Variants in AP4E1 observed in about 807,000 individuals in gnomAD.
AP4E1 encodes adaptor related protein complex 4 subunit epsilon 1.
A neutral mutation model predicts 128.2 loss-of-function variants in AP4E1; 56 were observed. That is an observed-to-expected ratio of 0.44 (90% CI 0.35 to 0.55). AP4E1 has a LOEUF of 0.55. AP4E1 is among the 20% of genes least tolerant of loss of function. The probability of loss-of-function intolerance (pLI) is 0.00; values close to 1 mark genes in which losing one functional copy is unlikely to be tolerated. For synonymous variants in AP4E1, 484 were observed against 473.1 expected, an observed-to-expected ratio of 1.02 and a Z score of -0.30; for missense variants, 1,324 against 1,307.7, an observed-to-expected ratio of 1.01 and a Z score of -0.19.
At chr15:50,959,415 T>G (rs1319438330) in intron 14 of AP4E1, among the ~76,000 whole-genome samples, 1 of 151,970 alleles carries the variant, frequency 6.6e-6, no homozygotes, top group African/African-American at 2.4e-5. Context: ...AATGGGAAGA[T>G]ATACTCAAAG....
chr15:50,923,392 T>C (rs1467012586), intron 3 of AP4E1, among the ~76,000 whole-genome samples: 1 of 152,204 alleles, frequency 6.6e-6, no homozygotes, highest in Admixed American at 6.5e-5. Flanking sequence ...TCCTAAATAA[T>C]TGTTATTCCC....
Position 50,908,874 on chromosome 15 carries a change from C to G in AP4E1, c.96C>G (p.Phe32Leu), listed in dbSNP as rs1407642781. ...GGCCCGCGGCCGCCAAGGCGTCCTT[C>G]TCCTCGAGGCTGGGCAGCCTTGTCC... ...GGGPAAAKAS[F>L]SSRLGSLVRG... The change falls in exon 1 of 21, where the codon TTC becomes TTG. Residue 32 changes from phenylalanine to leucine, a missense_variant. Transcript: ENST00000261842. 2 of 1,610,232 alleles carry G rather than the reference C, an allele frequency of 1.2e-6. No homozygotes were observed. Among genetic ancestry groups the G allele is most frequent in the Non-Finnish European group, 1.7e-6 (2 of 1,179,194 alleles).
intron 16 of AP4E1, 95 bp downstream of exon 16, chr15:50,984,240 G>C: frequency 1.4e-6 from 2 of 1,405,450 alleles, no homozygotes; most frequent in Non-Finnish European, 2.0e-6. Context: ...TATCATCATG[G>C]TCATTATTTG....
intron 20 of AP4E1, 84 bp from the exon 21 acceptor site, chr15:51,002,418 A>T (rs1362151552): frequency 6.9e-7 from 1 of 1,440,930 alleles, no homozygotes; most frequent in Non-Finnish European, 9.7e-7. Flanking sequence ...TCATGTGCTT[A>T]TTAGCCATTT....
chr15:50,985,610 C>G (rs547230581), intron 16 of AP4E1, among the ~76,000 whole-genome samples: 15 of 152,202 alleles, frequency 9.9e-5, no homozygotes, highest in South Asian at 4.1e-4. Flanking sequence ...TGTCAAAGAT[C>G]AGATGGTTGT....
At chr15:50,929,791 T>C (rs1287834211) in intron 6 of AP4E1, among the ~76,000 whole-genome samples, 1 of 152,212 alleles carries the variant, frequency 6.6e-6, no homozygotes, top group African/African-American at 2.4e-5. Context: ...TGTTCTAAAA[T>C]AGTACAGTTT....
intron 13 of AP4E1, among the ~76,000 whole-genome samples, chr15:50,958,161 A>T (rs1461519819): frequency 1.3e-5 from 2 of 152,200 alleles, no homozygotes; most frequent in East Asian, 3.8e-4. Context: ...CCATCATTAC[A>T]TGAGAACCAT....
intron 10 of AP4E1, among the ~76,000 whole-genome samples, chr15:50,946,295 C>T (rs566368580): frequency 1.3e-5 from 2 of 152,286 alleles, no homozygotes; most frequent in African/African-American, 4.8e-5. Flanking sequence ...ATTGTAGACA[C>T]TGCACATTCA....
intron 16 of AP4E1, among the ~76,000 whole-genome samples, chr15:50,984,983 T>A (rs556767440): frequency 0.018 from 2,812 of 152,270 alleles, 102 homozygotes; most frequent in African/African-American, 0.064. Flanking sequence ...TTTCCTGACT[T>A]TTTAATGATC....
chr15:51,005,693 TGTA>T lies in AP4E1; in HGVS notation c.*3035_*3037del, dbSNP rs1567272287. On this transcript the variant is annotated 3_prime_UTR_variant, in exon 21 of 21. Coordinates refer to ENST00000261842, the MANE Select transcript of AP4E1 (RefSeq NM_007347.5). ...TTTATCTTATATTTTTATGGATAAA[TGTA>T]GTATTTGCCTCATGATTGTGAGCCA... 6.6e-6 allele frequency: 1 copy of T among 152,666 alleles called. No homozygotes were observed. Among genetic ancestry groups the T allele is most frequent in the Admixed American group, 6.5e-5 (1 of 15,286 alleles). 9.5% of individuals were successfully genotyped at this position (152,666 alleles called of 1,614,324 possible).
intron 1 of AP4E1, among the ~76,000 whole-genome samples, chr15:50,909,656 G>T (rs1267197112): frequency 6.6e-6 from 1 of 150,610 alleles, no homozygotes; most frequent in African/African-American, 2.4e-5. Context: ...TCTCGATCTC[G>T]GCTCGCTGGA....
At chr15:50,950,192 T>G (rs2064130230) in intron 13 of AP4E1, 23 bp downstream of exon 13, 1 of 1,441,592 alleles carries the variant, frequency 6.9e-7, no homozygotes, top group Non-Finnish European at 9.7e-7. Flanking sequence ...CCTTAAATCA[T>G]AAATTTTTAT....
At position 50,929,169 on chromosome 15, in the gene AP4E1, G is replaced by A; in HGVS notation, c.702+1G>A. ...GCATATATATCTTAGAATGATTAAG[G>A]TAAGTTGGAAATTTTAGCAAGTACT... is the stretch of plus-strand genomic sequence containing the variant. On this transcript the variant is annotated splice_donor_variant, in intron 6 of 20. Coordinates refer to ENST00000261842, the MANE Select transcript of AP4E1 (RefSeq NM_007347.5). LOFTEE classifies it high-confidence loss of function. The A allele has an allele frequency of 6.2e-7, 1 of 1,613,472 alleles. No individual in the cohort carries two copies. Among genetic ancestry groups the A allele is most frequent in the Non-Finnish European group, 8.5e-7 (1 of 1,179,804 alleles).
upstream of AP4E1, among the ~76,000 whole-genome samples, chr15:50,907,941 A>G (rs946138206): frequency 9.2e-5 from 14 of 152,294 alleles, no homozygotes; most frequent in Middle Eastern, 3.4e-3. Flanking sequence ...GACCTGTTCT[A>G]AAGTGGAACA....
chr15:50,993,174 G>A (rs2140927931), intron 16 of AP4E1, among the ~76,000 whole-genome samples, 196 bp from the exon 17 acceptor site: 1 of 152,250 alleles, frequency 6.6e-6, no homozygotes, highest in South Asian at 2.1e-4. Flanking sequence ...CAAATCCTTT[G>A]ACTGGAGGGT....
At chr15:50,969,872 G>C (rs985672577) in intron 15 of AP4E1, among the ~76,000 whole-genome samples, 1 of 152,034 alleles carries the variant, frequency 6.6e-6, no homozygotes, top group Non-Finnish European at 1.5e-5. Flanking sequence ...TGTTAGCCAG[G>C]ATGGTCTCGA....
chr15:50,926,551 A>G (rs2063771552), intron 5 of AP4E1, among the ~76,000 whole-genome samples: 1 of 151,804 alleles, frequency 6.6e-6, no homozygotes, highest in African/African-American at 2.4e-5. Context: ...CATACTTTAA[A>G]TCAGTATTTT....
At chr15:50,982,995 T>C in intron 15 of AP4E1, among the ~76,000 whole-genome samples, 1 of 152,204 alleles carries the variant, frequency 6.6e-6, no homozygotes, top group East Asian at 1.9e-4. Flanking sequence ...AAAAGGTCCT[T>C]TTCTATAATC....
chr15:50,911,493 T>C (rs1275571263), intron 1 of AP4E1, among the ~76,000 whole-genome samples: 8 of 150,888 alleles, frequency 5.3e-5, no homozygotes, highest in Admixed American at 4.6e-4. Context: ...TTTTTTTTTT[T>C]TTTTTTTTAG....
Sources: gnomAD v4.1 joint callset for allele counts (sites outside exome capture counted in the v4.1 genomes callset) on GRCh38, gnomAD v4.1.1 for gene constraint, MANE v1.5 for transcripts, NCBI Gene and HGNC (gene_info 2026-07-23, HGNC 2026-07-21) for gene names.